FAM184A: variants seen among roughly 807,000 people sequenced by gnomAD.
FAM184A encodes protein FAM184A.
In FAM184A, 99 loss-of-function variants were observed where a neutral mutation model predicts 143.8. That is an observed-to-expected ratio of 0.69 (90% CI 0.58 to 0.81). The LOEUF is 0.81. Ranked by LOEUF, FAM184A falls within the 40% of genes least tolerant of loss-of-function variation. The pLI, the probability that FAM184A is intolerant of heterozygous loss-of-function variation, is 0.00. For missense variants in FAM184A, 1,217 were observed against 1,310.5 expected, an observed-to-expected ratio of 0.93 and a Z score of 1.10; for synonymous variants, 427 against 446.4, an observed-to-expected ratio of 0.96 and a Z score of 0.55.
chr6:119,134,903 G>T (rs1304668250), intron 1 of FAM184A, among the ~76,000 whole-genome samples: 1 of 152,108 alleles, frequency 6.6e-6, no homozygotes, highest in Non-Finnish European at 1.5e-5. Flanking sequence ...CTGCTTGTGG[G>T]AATATAAACT....
chr6:119,023,869 C>A, intron 2 of FAM184A, 90 bp downstream of exon 2: 5 of 993,438 alleles, frequency 5.0e-6, no homozygotes, highest in South Asian at 2.4e-5. Flanking sequence ...GCCACTGATT[C>A]TAAGTGGGCC....
intron 1 of FAM184A, among the ~76,000 whole-genome samples, chr6:119,110,730 C>T (rs11757666): frequency 0.4 from 60,819 of 151,988 alleles, 12,514 homozygotes; most frequent in African/African-American, 0.48. Context: ...AGATACTGAT[C>T]CACCATTCTT....
At chr6:118,997,290 A>G (rs1236606458) in intron 9 of FAM184A, among the ~76,000 whole-genome samples, 1 of 145,756 alleles carries the variant, frequency 6.9e-6, no homozygotes. Context: ...ACCTCAAAGC[A>G]CTCCAGCCTG....
Position 119,022,224 on chromosome 6 carries a change from A to G in FAM184A, c.1150+721T>C, listed in dbSNP as rs1197654055. Among the ~76,000 whole-genome samples, 5 of 150,976 alleles carry G rather than the reference A, an allele frequency of 3.3e-5. No homozygotes were observed. The East Asian group carries it at 9.8e-4, about 29-fold the overall frequency. On this transcript the variant is annotated intron_variant, in intron 3 of 17. Coordinates refer to ENST00000338891, the MANE Select transcript of FAM184A (RefSeq NM_024581.6). ...AAGTGTGTACCACCATGCCCAGCTAATTTTTGTTATTTTTAGTAGAGATGT... is the reference window on the plus strand; with the variant it reads ...AAGTGTGTACCACCATGCCCAGCTAGTTTTTGTTATTTTTAGTAGAGATGT...
At chr6:119,055,487 G>A (rs1356418702) in intron 1 of FAM184A, among the ~76,000 whole-genome samples, 5 of 152,164 alleles carry the variant, frequency 3.3e-5, no homozygotes, top group Non-Finnish European at 5.9e-5. Flanking sequence ...GTGACTGACT[G>A]CACCATTTTA....
intron 1 of FAM184A, among the ~76,000 whole-genome samples, chr6:119,132,752 G>A (rs989302222): frequency 9.9e-5 from 15 of 152,218 alleles, no homozygotes; most frequent in African/African-American, 3.6e-4. Context: ...AGTCATTGCT[G>A]CAAATTCTTG....
intron 1 of FAM184A, among the ~76,000 whole-genome samples, chr6:119,036,449 C>T (rs898166372): frequency 2.0e-5 from 3 of 151,934 alleles, no homozygotes; most frequent in African/African-American, 4.8e-5. Context: ...TATATTTCCT[C>T]GCTGTATGAT....
chr6:119,037,752 G>A (rs1786166867), intron 1 of FAM184A, among the ~76,000 whole-genome samples: 2 of 152,178 alleles, frequency 1.3e-5, no homozygotes, highest in African/African-American at 2.4e-5. Flanking sequence ...TACTACAGAA[G>A]ACACTGATAA....
intron 1 of FAM184A, among the ~76,000 whole-genome samples, chr6:119,141,871 A>T (rs1476481903): frequency 6.6e-6 from 1 of 152,218 alleles, no homozygotes; most frequent in Non-Finnish European, 1.5e-5. Context: ...CACCTATTCC[A>T]ATAGAGGAGC....
At chr6:119,070,461 T>C (rs1008147802) in intron 1 of FAM184A, among the ~76,000 whole-genome samples, 3 of 152,144 alleles carry the variant, frequency 2.0e-5, no homozygotes, top group Admixed American at 1.3e-4. Flanking sequence ...AGCCAAAGAA[T>C]ATTTTCCAAT....
chr6:118,987,677 A>C (rs535873001), intron 9 of FAM184A, among the ~76,000 whole-genome samples: 1 of 152,322 alleles, frequency 6.6e-6, no homozygotes, highest in Non-Finnish European at 1.5e-5. Flanking sequence ...CTTTTAAAAA[A>C]GGAAGTCACT....
At chr6:119,046,851 C>A (rs927175846) in intron 1 of FAM184A, among the ~76,000 whole-genome samples, 2 of 152,026 alleles carry the variant, frequency 1.3e-5, no homozygotes, top group African/African-American at 4.8e-5. Context: ...ATATCCTGCA[C>A]CAAGGCAACC....
intron 1 of FAM184A, among the ~76,000 whole-genome samples, chr6:119,073,773 A>T (rs1787774440): frequency 6.6e-6 from 1 of 152,202 alleles, no homozygotes; most frequent in South Asian, 2.1e-4. Context: ...TCCCCAGAAA[A>T]TCTAAATGAT....
intron 17 of FAM184A, 145 bp downstream of exon 17, chr6:118,961,616 G>T: frequency 1.4e-6 from 1 of 730,256 alleles, no homozygotes; most frequent in Non-Finnish European, 2.3e-6. Flanking sequence ...AAGTTCTCTA[G>T]AGAGGGGATA....
intron 1 of FAM184A, among the ~76,000 whole-genome samples, chr6:119,122,343 T>G (rs969522650): frequency 5.3e-5 from 8 of 151,962 alleles, no homozygotes; most frequent in Non-Finnish European, 1.0e-4. Flanking sequence ...TGTGTTAACT[T>G]AAAAAAAATA....
chr6:118,974,313 T>C lies in FAM184A; in HGVS notation c.2915+115A>G, dbSNP rs905676670. The C allele has an allele frequency of 6.4e-5, 61 of 951,540 alleles. 1 individual carries two copies. Among genetic ancestry groups the C allele is most frequent in the Admixed American group, 1.6e-4 (6 of 36,680 alleles). 58.9% of individuals were successfully genotyped at this position (951,540 alleles called of 1,614,324 possible). On this transcript the variant is annotated intron_variant, in intron 14 of 17. Coordinates refer to ENST00000338891, the MANE Select transcript of FAM184A (RefSeq NM_024581.6). ...ACCATCTGTAACACAGCACTAAAAT[T>C]TTCTTTTTAAAGTATCCTTTTTATT...
rs761866237 is a variant in FAM184A at position 118,974,490 on chromosome 6, CATG to C, written c.2850_2852del (p.Ile950del). 1 of 1,612,880 alleles carries C rather than the reference CATG, an allele frequency of 6.2e-7. No individual in the cohort carries two copies. Among genetic ancestry groups the C allele is most frequent in the Non-Finnish European group, 8.5e-7 (1 of 1,179,310 alleles). ...CGTTAGTCTTATTAAAATCTGCCCG[CATG>C]ATATTTTTCTCTCTGAGGTGGTCTG... On this transcript the variant is annotated inframe_deletion, in exon 14 of 18. Coordinates refer to ENST00000338891, the MANE Select transcript of FAM184A (RefSeq NM_024581.6).
At chr6:119,108,151 G>GTGTGTGTGTGTGT (rs1554197077) in intron 1 of FAM184A, among the ~76,000 whole-genome samples, 10 of 130,254 alleles carry the variant, frequency 7.7e-5, no homozygotes, top group South Asian at 2.5e-4. Flanking sequence ...GTGTGTGTGT[G>GTGTGTGTGTGTGT]GTGTGTAGGG....
At chr6:119,050,504 T>TTA (rs1554192391) in intron 1 of FAM184A, among the ~76,000 whole-genome samples, 2 of 148,370 alleles carry the variant, frequency 1.3e-5, no homozygotes, top group Non-Finnish European at 3.0e-5. Flanking sequence ...TATGCAGCCA[T>TTA]AAAAAAAAAA....
Sources: allele counts gnomAD v4.1 joint callset (sites outside exome capture counted in the v4.1 genomes callset), GRCh38; gene constraint gnomAD v4.1.1; transcripts MANE v1.5; gene names NCBI Gene and HGNC (gene_info 2026-07-23, HGNC 2026-07-21).